Variants in CYP19A1 observed in about 807,000 individuals in gnomAD.
The protein encoded by CYP19A1 is cytochrome P450 family 19 subfamily A member 1.
CYP19A1 carries 32 observed loss-of-function variants against 44.4 expected under a neutral mutation model. The observed-to-expected ratio is 0.72, with a 90% confidence interval of 0.54 to 0.97. The LOEUF (loss-of-function observed/expected upper bound fraction) is 0.97. CYP19A1 is among the 50% of genes least tolerant of loss of function. The pLI is 0.00. For missense variants in CYP19A1, 598 were observed against 637.8 expected, an observed-to-expected ratio of 0.94 and a Z score of 0.67; for synonymous variants, 212 against 215.6, an observed-to-expected ratio of 0.98 and a Z score of 0.14.
At chr15:51,223,593 TCACACACACACACA>T (rs5812545) in intron 4 of CYP19A1, among the ~76,000 whole-genome samples, 6 of 90,212 alleles carry the variant, frequency 6.7e-5, no homozygotes, top group Non-Finnish European at 8.8e-5. Flanking sequence ...TCTCTCTCTC[TCACACACACACACA>T]CACACACACA....
chr15:51,287,889 C>T (rs1476608184), intron 1 of CYP19A1, among the ~76,000 whole-genome samples: 1 of 152,160 alleles, frequency 6.6e-6, no homozygotes, highest in Non-Finnish European at 1.5e-5. Flanking sequence ...AGCTCAATGC[C>T]TCAGTGGAAA....
At chr15:51,310,225 A>G (rs962204433) in intron 1 of CYP19A1, among the ~76,000 whole-genome samples, 5 of 152,216 alleles carry the variant, frequency 3.3e-5, no homozygotes, top group Non-Finnish European at 7.3e-5. Context: ...CAAAATACAA[A>G]AAAAACAATT....
intron 1 of CYP19A1, among the ~76,000 whole-genome samples, chr15:51,246,717 G>A (rs1327270262): frequency 6.6e-6 from 1 of 152,152 alleles, no homozygotes; most frequent in Non-Finnish European, 1.5e-5. Flanking sequence ...ACAGGGAGGG[G>A]AGGCAGGCCC....
chr15:51,306,032 G>A (rs2036209571), intron 1 of CYP19A1, among the ~76,000 whole-genome samples: 1 of 152,180 alleles, frequency 6.6e-6, no homozygotes, highest in African/African-American at 2.4e-5. Context: ...TCTGTCAGAG[G>A]TGTTGAAATA....
chr15:51,299,183 C>T (rs764746428), intron 1 of CYP19A1, among the ~76,000 whole-genome samples: 3 of 152,228 alleles, frequency 2.0e-5, no homozygotes, highest in Non-Finnish European at 4.4e-5. Flanking sequence ...CTTGCCACCA[C>T]CAGAGCTTCC....
At chr15:51,235,702 G>A (rs370116368) in intron 3 of CYP19A1, among the ~76,000 whole-genome samples, 14 of 152,278 alleles carry the variant, frequency 9.2e-5, no homozygotes, top group African/African-American at 2.6e-4. Context: ...TGAGGATACC[G>A]TGGTATTTTA....
At chr15:51,325,528 C>T (rs150360572) in intron 1 of CYP19A1, among the ~76,000 whole-genome samples, 19 of 152,166 alleles carry the variant, frequency 1.2e-4, no homozygotes, top group South Asian at 2.1e-4. Flanking sequence ...GCCCATTGTA[C>T]GCTGGAAATA....
At chr15:51,250,491 T>C (rs2034264328) in intron 1 of CYP19A1, among the ~76,000 whole-genome samples, 1 of 152,228 alleles carries the variant, frequency 6.6e-6, no homozygotes, top group Non-Finnish European at 1.5e-5. Flanking sequence ...GTGCTTCTGG[T>C]TCCTCAGATA....
chr15:51,333,126 A>G (rs577915437), intron 1 of CYP19A1, among the ~76,000 whole-genome samples: 36 of 152,298 alleles, frequency 2.4e-4, no homozygotes, highest in African/African-American at 8.7e-4. Context: ...TAACGTTAAT[A>G]TTTTAAATGT....
intron 1 of CYP19A1, among the ~76,000 whole-genome samples, chr15:51,244,476 A>AAC (rs1259876311): frequency 6.6e-6 from 1 of 151,520 alleles, no homozygotes; most frequent in Non-Finnish European, 1.5e-5. Context: ...TTTTTTTTTT[A>AAC]ATATATATAA....
At chr15:51,262,491 A>G (rs1340491926) in intron 1 of CYP19A1, among the ~76,000 whole-genome samples, 1 of 152,186 alleles carries the variant, frequency 6.6e-6, no homozygotes, top group Non-Finnish European at 1.5e-5. Context: ...CTCTTGAAAC[A>G]GAATCACAAC....
intron 1 of CYP19A1, among the ~76,000 whole-genome samples, chr15:51,250,800 A>G (rs79599293): frequency 2.0e-5 from 3 of 152,096 alleles, no homozygotes. Context: ...AACAGCAGTC[A>G]TTTTTCTAAG....
At chr15:51,248,186 G>A (rs1270354014) in intron 1 of CYP19A1, among the ~76,000 whole-genome samples, 1 of 152,224 alleles carries the variant, frequency 6.6e-6, no homozygotes, top group Non-Finnish European at 1.5e-5. Context: ...ACATGAATGT[G>A]GAGGGTGGGG....
intron 1 of CYP19A1, among the ~76,000 whole-genome samples, chr15:51,283,891 G>C (rs967352242): frequency 6.6e-6 from 1 of 152,186 alleles, no homozygotes; most frequent in Non-Finnish European, 1.5e-5. Context: ...TGTTGCCATA[G>C]ACCTTTGCAG....
intron 3 of CYP19A1, among the ~76,000 whole-genome samples, chr15:51,233,006 G>T (rs374825537): frequency 1.3e-5 from 2 of 152,318 alleles, no homozygotes; most frequent in East Asian, 3.9e-4. Context: ...TTCCACTCAG[G>T]TTCTTGCCTT....
intron 1 of CYP19A1, among the ~76,000 whole-genome samples, chr15:51,275,425 T>G (rs2035273278): frequency 6.6e-6 from 1 of 152,260 alleles, no homozygotes; most frequent in South Asian, 2.1e-4. Context: ...GATTATTTAG[T>G]GTCAGTTTTA....
At chr15:51,216,663 C>A (rs1243235469) in intron 6 of CYP19A1, among the ~76,000 whole-genome samples, 1 of 152,126 alleles carries the variant, frequency 6.6e-6, no homozygotes, top group Non-Finnish European at 1.5e-5. Flanking sequence ...TATTCTCATG[C>A]CTTGTTAGTT....
intron 1 of CYP19A1, among the ~76,000 whole-genome samples, chr15:51,271,990 G>T (rs2035142564): frequency 1.3e-5 from 2 of 152,126 alleles, no homozygotes; most frequent in South Asian, 4.1e-4. Flanking sequence ...TTCTACTATT[G>T]TCCTATATCA....
chr15:51,332,080 C>T (rs1423777290), intron 1 of CYP19A1, among the ~76,000 whole-genome samples: 1 of 151,998 alleles, frequency 6.6e-6, no homozygotes, highest in Admixed American at 6.6e-5. Context: ...TTCTATTTTA[C>T]TTAATATTTA....
Sources: gnomAD v4.1 joint callset for allele counts (sites outside exome capture counted in the v4.1 genomes callset) on GRCh38, gnomAD v4.1.1 for gene constraint, MANE v1.5 for transcripts, NCBI Gene and HGNC (gene_info 2026-07-23, HGNC 2026-07-21) for gene names.